LRRC8D: variants seen among roughly 807,000 people sequenced by gnomAD.
LRRC8D encodes leucine rich repeat containing 8 VRAC subunit D.
In LRRC8D, 20 loss-of-function variants were observed where a neutral mutation model predicts 55.8. That is an observed-to-expected ratio of 0.36 (90% CI 0.25 to 0.52). LRRC8D has a LOEUF of 0.52. Among genes scored for constraint, LRRC8D ranks in the 20% least tolerant of loss-of-function variants. The pLI, the probability that LRRC8D is intolerant of heterozygous loss-of-function variation, is 0.93. For synonymous variants in LRRC8D, 352 were observed against 377.0 expected (o/e 0.93, Z 0.77); for missense variants, 651 against 1,030.8 (o/e 0.63, Z 5.05).
chr1:89,925,513 G>A (rs761564271), intron 2 of LRRC8D, among the ~76,000 whole-genome samples: 1 of 152,096 alleles, frequency 6.6e-6, no homozygotes, highest in Non-Finnish European at 1.5e-5. Context: ...GCTGACCTTG[G>A]TGATGGGATC....
Position 89,935,846 on chromosome 1 carries a change from ATT to A in LRRC8D, c.*211_*212del, listed in dbSNP as rs58055791. Reference sequence around the variant, plus strand: ...GTTTTAAGTCATTCATTTCCAAATCATTTTTTTTTTTCTTTTGGGGAAAGGGA... The same window carrying A: ...GTTTTAAGTCATTCATTTCCAAATCATTTTTTTTTCTTTTGGGGAAAGGGA... On this transcript the variant is annotated 3_prime_UTR_variant, in exon 3 of 3. Coordinates refer to ENST00000337338, the MANE Select transcript of LRRC8D (RefSeq NM_001134479.2). 7.1e-5 allele frequency: 27 copies of A among 378,204 alleles called. No homozygotes were observed. Among genetic ancestry groups the A allele is most frequent in the East Asian group, 1.3e-4 (3 of 22,608 alleles). The allele number at this position is 378,204 out of a possible 1,614,324, so 23.4% of individuals were successfully genotyped here.
chr1:89,858,720 G>C (rs1476341890), intron 2 of LRRC8D, among the ~76,000 whole-genome samples: 1 of 151,326 alleles, frequency 6.6e-6, no homozygotes, highest in Non-Finnish European at 1.5e-5. Flanking sequence ...GTGAACAAAT[G>C]ACAAGTGAAA....
intron 2 of LRRC8D, among the ~76,000 whole-genome samples, chr1:89,926,632 A>T (rs909695381): frequency 6.6e-6 from 1 of 152,234 alleles, no homozygotes; most frequent in South Asian, 2.1e-4. Flanking sequence ...TTCTGTTAGC[A>T]CTCTCACTTA....
chr1:89,830,903 C>CTTT (rs1178734654), intron 1 of LRRC8D, among the ~76,000 whole-genome samples: 3 of 135,798 alleles, frequency 2.2e-5, no homozygotes, highest in African/African-American at 2.7e-5. Context: ...GCACAATACA[C>CTTT]TTTTTTTTTT....
At chr1:89,902,178 C>A (rs1355172476) in intron 2 of LRRC8D, among the ~76,000 whole-genome samples, 2 of 152,232 alleles carry the variant, frequency 1.3e-5, no homozygotes, top group Admixed American at 6.5e-5. Flanking sequence ...AATGGCCATA[C>A]CTATTTGAAG....
chr1:89,891,812 T>C (rs1007393362), intron 2 of LRRC8D, among the ~76,000 whole-genome samples: 3 of 152,250 alleles, frequency 2.0e-5, no homozygotes, highest in Non-Finnish European at 4.4e-5. Context: ...CTCATCTGTC[T>C]GCAAGAGTTG....
At chr1:89,821,591 C>G (rs992289965) in intron 1 of LRRC8D, among the ~76,000 whole-genome samples, 2 of 152,280 alleles carry the variant, frequency 1.3e-5, no homozygotes, top group South Asian at 4.1e-4. Context: ...TTCCTGGCTC[C>G]TGAACCCCTC....
chr1:89,917,520 C>G (rs2100961217), intron 2 of LRRC8D, among the ~76,000 whole-genome samples: 1 of 152,254 alleles, frequency 6.6e-6, no homozygotes, highest in Non-Finnish European at 1.5e-5. Context: ...CACTAGCCTT[C>G]TTTCAGTTCT....
At chr1:89,874,441 ATTTGTG>A (rs913763257) in intron 2 of LRRC8D, among the ~76,000 whole-genome samples, 3 of 105,774 alleles carry the variant, frequency 2.8e-5, no homozygotes, top group Non-Finnish European at 5.7e-5. Context: ...GTAAGAAACT[ATTTGTG>A]TGTGTGTGTG....
chr1:89,902,191 G>A (rs536994206), intron 2 of LRRC8D, among the ~76,000 whole-genome samples: 6 of 152,384 alleles, frequency 3.9e-5, no homozygotes, highest in East Asian at 3.9e-4. Context: ...ATTTGAAGGC[G>A]TGCAGACCAG....
intron 2 of LRRC8D, among the ~76,000 whole-genome samples, chr1:89,863,988 G>A (rs184458611): frequency 9.2e-5 from 14 of 152,258 alleles, no homozygotes; most frequent in African/African-American, 2.4e-4. Context: ...ATTTAAATCC[G>A]TGTTGTTATG....
chr1:89,934,834 A>G lies in LRRC8D; in HGVS notation c.1766A>G (p.His589Arg). The G allele has an allele frequency of 6.2e-7, 1 of 1,614,192 alleles. No individual in the cohort carries two copies. Among genetic ancestry groups the G allele is most frequent in the Non-Finnish European group, 8.5e-7 (1 of 1,180,032 alleles). ...CTTGAATCTCTCCGAGAGTTGCGGC[A>G]CCTTAAGATTCTCCACGTGAAGAGC... ...IGLESLRELRHLKILHVKSNL... is the reference protein window; with the variant it reads ...IGLESLRELRRLKILHVKSNL... Residue 589 changes from histidine to arginine, a missense_variant, in exon 3 of 3, where the codon CAC becomes CGC. Physicochemically the swap from His to Arg is conservative, Grantham distance 29. Transcript: ENST00000337338. The surrounding 1 kb of genome is among the most constrained non-coding windows in gnomAD (Gnocchi z 5.9).
intron 1 of LRRC8D, among the ~76,000 whole-genome samples, chr1:89,831,355 G>A (rs1428077512): frequency 4.6e-5 from 7 of 152,202 alleles, no homozygotes; most frequent in African/African-American, 1.7e-4. Context: ...TAAATGTGGT[G>A]TATTACATCT....
chr1:89,882,645 T>TC (rs556675630), intron 2 of LRRC8D, among the ~76,000 whole-genome samples: 57 of 152,350 alleles, frequency 3.7e-4, no homozygotes, highest in African/African-American at 1.3e-3. Context: ...TATGTCAAAC[T>TC]CCAAGTGTTT....
At chr1:89,888,544 G>A (rs1662482483) in intron 2 of LRRC8D, among the ~76,000 whole-genome samples, 1 of 152,158 alleles carries the variant, frequency 6.6e-6, no homozygotes, top group South Asian at 2.1e-4. Flanking sequence ...ACCTGAGAGA[G>A]CCTAAAAGCA....
intron 1 of LRRC8D, among the ~76,000 whole-genome samples, chr1:89,823,787 GCAGA>G (rs1403852402): frequency 1.3e-5 from 2 of 152,186 alleles, no homozygotes; most frequent in East Asian, 1.9e-4. Context: ...GCCAGCAGAA[GCAGA>G]CAGTTACAGT....
chr1:89,925,568 C>G (rs750577245), intron 2 of LRRC8D, among the ~76,000 whole-genome samples: 19 of 152,084 alleles, frequency 1.2e-4, no homozygotes, highest in Non-Finnish European at 2.5e-4. Flanking sequence ...ATGTTACAAA[C>G]CTGCACATGT....
At chr1:89,847,300 G>A (rs1009518418) in intron 2 of LRRC8D, among the ~76,000 whole-genome samples, 1 of 152,166 alleles carries the variant, frequency 6.6e-6, no homozygotes. Context: ...TGGAATATTT[G>A]TAGTGGCCTA....
In LRRC8D at chr1:89,916,869, C is replaced by A. The variant is rs149971317; in HGVS notation, c.-2-16198C>A. 3.3e-5 allele frequency among the ~76,000 whole-genome samples: 5 copies of A among 152,254 alleles called. No homozygotes were observed. In the East Asian group the frequency reaches 9.6e-4, roughly 29 times the overall value. Reference sequence around the variant, plus strand: ...AGGGTAGGAACATTCAATGAGCGGGCCTACCATGTGTTCAACATTAGACTG... The same window carrying A: ...AGGGTAGGAACATTCAATGAGCGGGACTACCATGTGTTCAACATTAGACTG... On this transcript the variant is annotated intron_variant, in intron 2 of 2. Transcript: ENST00000337338.
Sources: gnomAD v4.1 joint callset for allele counts (sites outside exome capture counted in the v4.1 genomes callset) on GRCh38, gnomAD v4.1.1 for gene constraint, Gnocchi (gnomAD v3.1) non-coding constraint, MANE v1.5 for transcripts, NCBI Gene and HGNC (gene_info 2026-07-23, HGNC 2026-07-21) for gene names.